Variants in VPS16 observed in about 807,000 individuals in gnomAD.
VPS16 encodes the protein VPS16 core subunit of CORVET and HOPS complexes, also known as vacuolar protein sorting-associated protein 16 homolog.
In VPS16, 82 loss-of-function variants were observed where a neutral mutation model predicts 116.0. That is an observed-to-expected ratio of 0.71 (90% CI 0.59 to 0.85). The LOEUF is 0.85. Among genes scored for constraint, VPS16 ranks in the 40% least tolerant of loss-of-function variants. The probability of loss-of-function intolerance (pLI) is 0.00; values close to 1 mark genes in which losing one functional copy is unlikely to be tolerated. For synonymous variants in VPS16, 406 were observed against 420.7 expected (o/e 0.96, Z 0.43); for missense variants, 928 against 1,090.6 (o/e 0.85, Z 2.10).
At chr20:2,847,728 C>G (rs963980231) in intron 1 of VPS16, among the ~76,000 whole-genome samples, 1 of 152,080 alleles carries the variant, frequency 6.6e-6, no homozygotes, top group Non-Finnish European at 1.5e-5. Context: ...CCGCCTGTCT[C>G]GGCCTCCGGA....
At chr20:2,855,022 G>A (rs543811302) in intron 1 of VPS16, among the ~76,000 whole-genome samples, 6 of 137,752 alleles carry the variant, frequency 4.4e-5, no homozygotes, top group South Asian at 2.4e-4. Flanking sequence ...GTGCAGTGGT[G>A]CAATCTCGGC....
Position 2,866,675 on chromosome 20 carries a change from G to A in VPS16, c.*101G>A. On this transcript the variant is annotated 3_prime_UTR_variant, in exon 24 of 24. Transcript: ENST00000380445. The stretch of plus-strand genomic sequence containing the variant: ...CCAGCTCCTCCCCTAGAGCAATGCT[G>A]AGGAGCGGGGGCATGGTAGCAGGGC... The A allele has an allele frequency of 6.6e-7, 1 of 1,525,658 alleles. No individual in the cohort carries two copies. Among genetic ancestry groups the A allele is most frequent in the Non-Finnish European group, 8.9e-7 (1 of 1,127,076 alleles). The allele number at this position is 1,525,658 out of a possible 1,614,324, so 94.5% of individuals were successfully genotyped here.
rs530529208 is a variant in VPS16 at position 2,842,771 on chromosome 20, CAT to C, written c.53+1948_53+1949del. Among the ~76,000 whole-genome samples the C allele has an allele frequency of 0.011, 38 of 3,500 alleles. 1 individual carries two copies. In the South Asian group the frequency reaches 0.12, roughly 12 times the overall value. 2.3% of individuals were successfully genotyped at this position (3,500 alleles called of 152,430 possible). On this transcript the variant is annotated intron_variant, in intron 1 of 23. Transcript: ENST00000380445. ...ATAGATGTATCTATCTATAGATAGA[CAT>C]ATAGATGTATCTATCTATAGATAGA... is the stretch of plus-strand genomic sequence containing the variant.
chr20:2,849,645 T>A (rs923991875), intron 1 of VPS16, among the ~76,000 whole-genome samples: 4 of 152,072 alleles, frequency 2.6e-5, no homozygotes, highest in African/African-American at 9.7e-5. Flanking sequence ...AGAGAAGACT[T>A]CTGCTTCTCA....
rs149480592 is a variant in VPS16, at chr20:2,861,744, G to A, written c.899+40G>A. On this transcript the variant is annotated intron_variant, in intron 9 of 23. Transcript: ENST00000380445. Reference sequence around the variant, plus strand: ...CTGCCTGTGTGTGGAGAGAGGGGAGGGGAGGGTTCACCTGCCCCGTCCCAT... The same window carrying A: ...CTGCCTGTGTGTGGAGAGAGGGGAGAGGAGGGTTCACCTGCCCCGTCCCAT... 3.4e-4 allele frequency: 553 copies of A among 1,611,224 alleles called. 2 individuals carry two copies. In the African/African-American group the frequency reaches 6.4e-3, roughly 19 times the overall value.
chr20:2,864,850 T>G lies in VPS16; in HGVS notation c.1927-128T>G. On this transcript the variant is annotated intron_variant, in intron 19 of 23. Coordinates refer to ENST00000380445, the MANE Select transcript of VPS16 (RefSeq NM_022575.4). This position sits in a 1 kb window ranked among gnomAD's most constrained non-coding sequence, Gnocchi z 5.2. ...CCATCCCTCTAGGACATCAGAGTGGTGCACCTAGCAGGCAAGGCTGACCCT... is the reference window on the plus strand; with the variant it reads ...CCATCCCTCTAGGACATCAGAGTGGGGCACCTAGCAGGCAAGGCTGACCCT... The G allele has an allele frequency of 7.7e-7, 1 of 1,291,006 alleles. No individual in the cohort carries two copies. Among genetic ancestry groups the G allele is most frequent in the Non-Finnish European group, 1.1e-6 (1 of 908,652 alleles). The allele number at this position is 1,291,006 out of a possible 1,614,324, so 80.0% of individuals were successfully genotyped here. A position where few individuals can be genotyped will look rare whatever the true frequency, so the allele number is the denominator to read the frequency against.
rs754554295 is a variant in VPS16 at position 2,862,142 on chromosome 20, G to A, written c.1071+12G>A. On this transcript the variant is annotated intron_variant, in intron 11 of 23. Transcript: ENST00000380445. The stretch of plus-strand genomic sequence containing the variant: ...AGAAGGAGTATGAGGTAAAGCCCTG[G>A]GCTTCTCTCCCAGTCCCAGAATGGT... 3.1e-6 allele frequency: 5 copies of A among 1,611,470 alleles called. No individual in the cohort carries two copies. The highest frequency in any genetic ancestry group is 4.2e-6 in the Non-Finnish European group (5 of 1,178,980).
chr20:2,857,113 G>T (rs2089179444), intron 1 of VPS16, among the ~76,000 whole-genome samples: 1 of 152,052 alleles, frequency 6.6e-6, no homozygotes. Context: ...GACTAGCTGG[G>T]ATTTCAGGCA....
chr20:2,863,955 C>T lies in VPS16; in HGVS notation c.1483C>T (p.Gln495Ter). 1 of 1,613,668 alleles carries T rather than the reference C, an allele frequency of 6.2e-7. No individual in the cohort carries two copies. Among genetic ancestry groups the T allele is most frequent in the South Asian group, 1.1e-5 (1 of 91,038 alleles). Residue 495 changes from glutamine to a stop codon, truncating the protein, a stop_gained, in exon 16 of 24, where the codon CAG becomes TAG. Coordinates refer to ENST00000380445, the MANE Select transcript of VPS16 (RefSeq NM_022575.4). LOFTEE classifies it high-confidence loss of function. This position sits in a 1 kb window ranked among gnomAD's most constrained non-coding sequence, Gnocchi z 4.4. Reference sequence around the variant, plus strand: ...CACCCCGCATCCCTTGCAGGTGCAACAGAAGGATGTCTCAGATGAGGATGT... The same window carrying T: ...CACCCCGCATCCCTTGCAGGTGCAATAGAAGGATGTCTCAGATGAGGATGT... ...LAHWACYKVQ[Q>*]KDVSDEDVAR...
chr20:2,860,785 C>T lies in VPS16; in HGVS notation c.552C>T (p.Cys184=). ...QSAPSCWTVL[C]QDRVAHILLA... ...CACCCTCCTGCTGGACTGTGCTGTG[C>T]CAGGACCGAGTGGCACACATTCTTC... Residue 184 remains cysteine, a synonymous_variant, in exon 6 of 24, where the codon TGC becomes TGT. Coordinates refer to ENST00000380445, the MANE Select transcript of VPS16 (RefSeq NM_022575.4). The surrounding 1 kb of genome is among the most constrained non-coding windows in gnomAD (Gnocchi z 6.1). The T allele has an allele frequency of 6.2e-7, 1 of 1,614,006 alleles. No homozygotes were observed. The highest frequency in any genetic ancestry group is 1.3e-5 in the African/African-American group (1 of 75,052).
chr20:2,866,149 TAAGA>T, intron 22 of VPS16, 59 bp from the exon 23 acceptor site: 2 of 1,477,070 alleles, frequency 1.4e-6, no homozygotes, highest in East Asian at 4.5e-5. Flanking sequence ...CCTCTGCTCG[TAAGA>T]GAGAGGACAG....
rs76084689 is a variant in VPS16, at chr20:2,866,682, G to A, written c.*108G>A. The A allele has an allele frequency of 2.7e-3, 4,049 of 1,490,246 alleles. 44 individuals carry two copies. The highest frequency in any genetic ancestry group is 0.023 in the South Asian group (1,796 of 78,132). The allele number at this position is 1,490,246 out of a possible 1,614,324, so 92.3% of individuals were successfully genotyped here. A position where few individuals can be genotyped will look rare whatever the true frequency, so the allele number is the denominator to read the frequency against. On this transcript the variant is annotated 3_prime_UTR_variant, in exon 24 of 24. Transcript: ENST00000380445. The stretch of plus-strand genomic sequence containing the variant: ...CTCCCCTAGAGCAATGCTGAGGAGC[G>A]GGGGCATGGTAGCAGGGCTGTCTGG...
chr20:2,864,030 T>A lies in VPS16; in HGVS notation c.1558T>A (p.Ser520Thr). 2.5e-6 allele frequency: 4 copies of A among 1,614,120 alleles called. No homozygotes were observed. The highest frequency in any genetic ancestry group is 3.4e-6 in the Non-Finnish European group (4 of 1,179,992). ...KLGDTPGVSY[S>T]DIAARAYGCG... is the part of the protein sequence containing the mutation. ...GGGGGACACGCCTGGTGTCTCTTACTCCGACATTGCTGCACGAGCCTATGG... is the reference window on the plus strand; with the variant it reads ...GGGGGACACGCCTGGTGTCTCTTACACCGACATTGCTGCACGAGCCTATGG... The change falls in exon 16 of 24, where the codon TCC (serine) becomes ACC (threonine). Residue 520 changes from serine to threonine, a missense_variant. Transcript: ENST00000380445. The surrounding 1 kb of genome is among the most constrained non-coding windows in gnomAD (Gnocchi z 5.2).
intron 1 of VPS16, among the ~76,000 whole-genome samples, chr20:2,842,654 A>G (rs1027208748): frequency 1.4e-5 from 2 of 147,662 alleles, no homozygotes; most frequent in Non-Finnish European, 3.0e-5. Context: ...ATAGATATAG[A>G]TAGATATATA....
chr20:2,863,444 C>T lies in VPS16; in HGVS notation c.1476+46C>T, dbSNP rs368413070. ...CCAAGGGCATTTAGAGGATTCCAGG[C>T]CCTGGTGAGGTGGAGGAAATAGAAA... On this transcript the variant is annotated intron_variant, in intron 15 of 23. Coordinates refer to ENST00000380445, the MANE Select transcript of VPS16 (RefSeq NM_022575.4). This position sits in a 1 kb window ranked among gnomAD's most constrained non-coding sequence, Gnocchi z 4.4. The T allele has an allele frequency of 1.3e-6, 2 of 1,584,610 alleles. No homozygotes were observed. Among genetic ancestry groups the T allele is most frequent in the Non-Finnish European group, 1.7e-6 (2 of 1,154,028 alleles).
At position 2,865,350 on chromosome 20, in the gene VPS16, A is replaced by G. The variant is rs2089317036; in HGVS notation, c.2174+33A>G. 3.7e-6 allele frequency: 6 copies of G among 1,613,996 alleles called. No individual in the cohort carries two copies. Among genetic ancestry groups the G allele is most frequent in the Non-Finnish European group, 5.1e-6 (6 of 1,179,902 alleles). On this transcript the variant is annotated intron_variant, in intron 21 of 23. Coordinates refer to ENST00000380445, the MANE Select transcript of VPS16 (RefSeq NM_022575.4). This position sits in a 1 kb window ranked among gnomAD's most constrained non-coding sequence, Gnocchi z 5.2. ...AGGGCCCAGGCTGCATGTGGGTCCC[A>G]GGACCACCTGCCTCTCCTGCAACAC...
At position 2,840,756 on chromosome 20, in the gene VPS16, G is replaced by C. The variant is rs1023232192; in HGVS notation, c.-19G>C. ...GTGGGTGTCCCCTCGGTGCTTCCCA[G>C]CTGCCGTCTGCACCAGCCATGGACT... On this transcript the variant is annotated 5_prime_UTR_variant, in exon 1 of 24. Coordinates refer to ENST00000380445, the MANE Select transcript of VPS16 (RefSeq NM_022575.4). 3 of 1,547,860 alleles carry C rather than the reference G, an allele frequency of 1.9e-6. No homozygotes were observed. The Admixed American group carries it at 5.9e-5, about 30-fold the overall frequency.
intron 1 of VPS16, among the ~76,000 whole-genome samples, chr20:2,856,064 A>T (rs1449167371): frequency 2.6e-5 from 4 of 152,152 alleles, no homozygotes. Context: ...TGCCTTCCTC[A>T]CTAAGGTTAG....
rs985494057 is a variant in VPS16 at position 2,862,948 on chromosome 20, C to A, written c.1331+14C>A. On this transcript the variant is annotated intron_variant, in intron 13 of 23. Transcript: ENST00000380445. ...CACCTATAGCCAGTATCCCTGTGCA[C>A]GCCAGAAGGGTACCCTACAGCCAGG... 6.2e-7 allele frequency: 1 copy of A among 1,613,662 alleles called. No homozygotes were observed. Among genetic ancestry groups the A allele is most frequent in the Admixed American group, 1.7e-5 (1 of 60,008 alleles).
Sources: gnomAD v4.1 joint callset for allele counts (sites outside exome capture counted in the v4.1 genomes callset) on GRCh38, gnomAD v4.1.1 for gene constraint, Gnocchi (gnomAD v3.1) non-coding constraint, MANE v1.5 for transcripts, NCBI Gene and HGNC (gene_info 2026-07-23, HGNC 2026-07-21) for gene names.